ABTB2: variants seen among roughly 807,000 people sequenced by gnomAD.
ABTB2 encodes ankyrin repeat and BTB/POZ domain-containing protein 2.
Under a neutral mutation model 104.1 loss-of-function variants are expected in ABTB2, and 56 were observed. The ratio of observed to expected loss-of-function variants is 0.54; its 90% CI spans 0.43 to 0.67. The LOEUF is 0.67. Among genes scored for constraint, ABTB2 ranks in the 30% least tolerant of loss-of-function variants. ABTB2 has a pLI of 0.00. For missense variants in ABTB2, 1,279 were observed against 1,407.7 expected, an observed-to-expected ratio of 0.91 and a Z score of 1.46; for synonymous variants, 606 against 608.2, an observed-to-expected ratio of 1.00 and a Z score of 0.05.
At chr11:34,210,019 G>T (rs116653510) in intron 1 of ABTB2, among the ~76,000 whole-genome samples, 1 of 152,008 alleles carries the variant, frequency 6.6e-6, no homozygotes, top group Admixed American at 6.5e-5. Flanking sequence ...CAGAAGACTG[G>T]GAAGCCGCCT....
At chr11:34,238,437 TG>T (rs1203717242) in intron 1 of ABTB2, among the ~76,000 whole-genome samples, 1 of 152,258 alleles carries the variant, frequency 6.6e-6, no homozygotes, top group Non-Finnish European at 1.5e-5. Flanking sequence ...GCAGGGCTTT[TG>T]TCTGTTTTAT....
chr11:34,263,083 G>C (rs962410819), intron 1 of ABTB2, among the ~76,000 whole-genome samples: 3 of 152,184 alleles, frequency 2.0e-5, no homozygotes, highest in East Asian at 3.9e-4. Context: ...TTTAGCATCA[G>C]AAATGCTTTG....
chr11:34,276,744 T>C (rs1292125292), intron 1 of ABTB2, among the ~76,000 whole-genome samples: 2 of 152,236 alleles, frequency 1.3e-5, no homozygotes, highest in African/African-American at 4.8e-5. Context: ...ACTACAACAA[T>C]AAACAAGGTG....
At chr11:34,166,895 G>C (rs1185789800) in intron 7 of ABTB2, among the ~76,000 whole-genome samples, 1 of 152,250 alleles carries the variant, frequency 6.6e-6, no homozygotes, top group Non-Finnish European at 1.5e-5. Context: ...TAGAATTCAC[G>C]AGGGAGGAGA....
chr11:34,267,439 C>A (rs1393130406), intron 1 of ABTB2, among the ~76,000 whole-genome samples: 1 of 152,206 alleles, frequency 6.6e-6, no homozygotes, highest in Admixed American at 6.5e-5. Flanking sequence ...TCCCACATTT[C>A]CATCCCCGTA....
chr11:34,192,852 G>A (rs1443801821), intron 3 of ABTB2, among the ~76,000 whole-genome samples: 1 of 152,192 alleles, frequency 6.6e-6, no homozygotes, highest in Non-Finnish European at 1.5e-5. Flanking sequence ...TCGACCTCAG[G>A]CCCTCTGCAC....
At chr11:34,221,380 C>A (rs1235728051) in intron 1 of ABTB2, among the ~76,000 whole-genome samples, 2 of 152,250 alleles carry the variant, frequency 1.3e-5, no homozygotes, top group Non-Finnish European at 2.9e-5. Context: ...TACAGTCACA[C>A]TCTCAGGTAG....
chr11:34,235,969 T>A (rs1853837132), intron 1 of ABTB2, among the ~76,000 whole-genome samples: 1 of 152,200 alleles, frequency 6.6e-6, no homozygotes, highest in Non-Finnish European at 1.5e-5. Flanking sequence ...CTAGCTTCCC[T>A]GCTGCCCACA....
At chr11:34,267,078 T>C (rs888987252) in intron 1 of ABTB2, among the ~76,000 whole-genome samples, 1 of 152,162 alleles carries the variant, frequency 6.6e-6, no homozygotes, top group Non-Finnish European at 1.5e-5. Flanking sequence ...ATTCTCTCAA[T>C]GTAAATGGAC....
At chr11:34,269,624 C>A (rs767967628) in intron 1 of ABTB2, among the ~76,000 whole-genome samples, 1 of 152,244 alleles carries the variant, frequency 6.6e-6, no homozygotes, top group Non-Finnish European at 1.5e-5. Flanking sequence ...TGTGTCCCAA[C>A]GAGCCTTCAT....
At chr11:34,274,431 G>A (rs999846410) in intron 1 of ABTB2, among the ~76,000 whole-genome samples, 3 of 152,102 alleles carry the variant, frequency 2.0e-5, no homozygotes, top group South Asian at 4.2e-4. Context: ...ACCAGAGACT[G>A]CAGTTCCTCT....
At chr11:34,341,905 TC>T (rs1855266141) in intron 1 of ABTB2, among the ~76,000 whole-genome samples, 1 of 152,124 alleles carries the variant, frequency 6.6e-6, no homozygotes, top group African/African-American at 2.4e-5. Flanking sequence ...CCCATTTTCC[TC>T]CCTTTAAGGA....
rs1855482287 is a variant in ABTB2 at position 34,357,455 on chromosome 11, G to A, written c.129C>T (p.Asn43=). Residue 43 remains asparagine (N), a synonymous_variant, in exon 1 of 17, where the codon AAC becomes AAT. Coordinates refer to ENST00000435224, the MANE Select transcript of ABTB2 (RefSeq NM_145804.3). ...CCCCGCGGTGCTGCTGCGCCGAAGA[G>A]TTGAGCGCCTGCGAGTTGGACTTGG... The part of the protein sequence containing the change: ...SSSKSNSQAL[N]SSAQQHRGAA... 8 of 1,548,116 alleles carry A rather than the reference G, an allele frequency of 5.2e-6. No homozygotes were observed. Among genetic ancestry groups the A allele is most frequent in the Non-Finnish European group, 7.0e-6 (8 of 1,146,880 alleles).
At chr11:34,267,132 A>G (rs1026533732) in intron 1 of ABTB2, among the ~76,000 whole-genome samples, 6 of 152,230 alleles carry the variant, frequency 3.9e-5, no homozygotes, top group Non-Finnish European at 8.8e-5. Flanking sequence ...GCAGCAGCAG[A>G]CGTGCACGTC....
intron 1 of ABTB2, among the ~76,000 whole-genome samples, chr11:34,249,225 G>T (rs1416313131): frequency 2.6e-5 from 4 of 152,226 alleles, no homozygotes; most frequent in Non-Finnish European, 5.9e-5. Flanking sequence ...GGGAGCTGGG[G>T]TCAATGGGAC....
intron 1 of ABTB2, among the ~76,000 whole-genome samples, chr11:34,312,369 A>T (rs2133105829): frequency 6.6e-6 from 1 of 152,264 alleles, no homozygotes; most frequent in South Asian, 2.1e-4. Context: ...ATTCAGGCTC[A>T]AATTGGGCGA....
chr11:34,164,937 T>G, intron 8 of ABTB2, 116 bp from the exon 9 acceptor site: 1 of 1,269,890 alleles, frequency 7.9e-7, no homozygotes, highest in Non-Finnish European at 1.1e-6. Context: ...AATAAGTCAG[T>G]AAACCCCACA....
chr11:34,160,086 G>T, intron 12 of ABTB2, 78 bp from the exon 13 acceptor site: 16 of 1,338,696 alleles, frequency 1.2e-5, no homozygotes, highest in Non-Finnish European at 1.6e-5. Context: ...TGTGAGGTGC[G>T]TGTCTGGGGT....
At position 34,357,047 on chromosome 11, in the gene ABTB2, G is replaced by A; in HGVS notation, c.537C>T (p.Val179=). The change falls in exon 1 of 17, where the codon GTC becomes GTT. Residue 179 remains valine, a synonymous_variant. Transcript: ENST00000435224. ...TCATGCTGTACAGGGACAGCGCCTTGACGGCTGCCAGCGCGCAGCTCTCGG... is the reference window on the plus strand; with the variant it reads ...TCATGCTGTACAGGGACAGCGCCTTAACGGCTGCCAGCGCGCAGCTCTCGG... ...ALAESCALAA[V]KALSLYSMSA... 6.5e-7 allele frequency: 1 copy of A among 1,532,168 alleles called. No individual in the cohort carries two copies. The highest frequency in any genetic ancestry group is 8.8e-7 in the Non-Finnish European group (1 of 1,140,448). 94.9% of individuals were successfully genotyped at this position (1,532,168 alleles called of 1,614,324 possible).
Sources: allele counts gnomAD v4.1 joint callset (sites outside exome capture counted in the v4.1 genomes callset), GRCh38; gene constraint gnomAD v4.1.1; transcripts MANE v1.5; gene names NCBI Gene and HGNC (gene_info 2026-07-23, HGNC 2026-07-21).